The following RIF1 variants were observed in gnomAD, a reference collection of about 807,000 sequenced individuals.
RIF1 encodes telomere-associated protein RIF1.
RIF1 carries 45 observed loss-of-function variants against 247.1 expected under a neutral mutation model. The ratio of observed to expected loss-of-function variants is 0.18; its 90% confidence interval spans 0.14 to 0.23. The LOEUF (loss-of-function observed/expected upper bound fraction) is 0.23. Ranked by LOEUF, RIF1 falls within the 10% of genes least tolerant of loss-of-function variation. The pLI is 1.00. For synonymous variants in RIF1, 1,087 were observed against 978.8 expected (o/e 1.11, Z -2.06); for missense variants, 2,967 against 2,862.5 (o/e 1.04, Z -0.83).
chr2:151,504,889 T>C lies in RIF1; in HGVS notation c.*862-1321T>C, dbSNP rs115187177. 1.8e-3 allele frequency among the ~76,000 whole-genome samples: 272 copies of C among 152,144 alleles called. 2 individuals carry two copies. The highest frequency in any genetic ancestry group is 6.3e-3 in the African/African-American group (261 of 41,498). On this transcript the variant is annotated intron_variant and NMD_transcript_variant, in intron 12 of 13. Transcript: ENST00000454583. Reference sequence around the variant, plus strand: ...GACAGAACAGGCTTAATGTATAATATACCATTGTAGGTAGATCGCAGCCTG... The same window carrying C: ...GACAGAACAGGCTTAATGTATAATACACCATTGTAGGTAGATCGCAGCCTG...
At chr2:151,411,106 A>G (rs1686116452) in intron 2 of RIF1, among the ~76,000 whole-genome samples, 154 bp from the exon 3 acceptor site, 1 of 152,120 alleles carries the variant, frequency 6.6e-6, no homozygotes, top group Non-Finnish European at 1.5e-5. Context: ...ATATTGCATT[A>G]TATATTCTGT....
chr2:151,440,109 T>C lies in RIF1; in HGVS notation c.1629T>C (p.Phe543=). The change falls in exon 15 of 36, where the codon TTT becomes TTC. Residue 543 remains phenylalanine (F), a synonymous_variant. Transcript: ENST00000444746. ...SLESIVKSEV[F]PVSKTLVLME... ...AAAGCATAGTAAAGTCTGAAGTATT[T>C]CCTGTATCAAAAACGCTGGTAAGTA... is the stretch of plus-strand genomic sequence containing the variant. 2 of 1,579,432 alleles carry C rather than the reference T, an allele frequency of 1.3e-6. No individual in the cohort carries two copies. Among genetic ancestry groups the C allele is most frequent in the Non-Finnish European group, 1.7e-6 (2 of 1,156,296 alleles).
At chr2:151,505,065 CAT>C (rs377576558) in intron 12 of RIF1, among the ~76,000 whole-genome samples, 192 of 152,238 alleles carry the variant, frequency 1.3e-3, no homozygotes, top group Non-Finnish European at 1.8e-3. Flanking sequence ...TACACACACA[CAT>C]GTTTTATATA....
rs759984778 is a variant in RIF1, at chr2:151,463,745, C to T, written c.4225C>T (p.Pro1409Ser). The T allele has an allele frequency of 1.2e-6, 2 of 1,613,810 alleles. No homozygotes were observed. The highest frequency in any genetic ancestry group is 1.6e-4 in the Middle Eastern group (1 of 6,084). ...TGAGGATAGTCAGGTTCAGATAACT[C>T]CAAATCAGAAAACCCTTAGACGGTC... Reference protein sequence around the residue: ...VNEDSQVQITPNQKTLRRSSR... With the variant: ...VNEDSQVQITSNQKTLRRSSR... The change falls in exon 30 of 36, where the codon CCA becomes TCA. Residue 1409 changes from proline (P) to serine (S), a missense_variant. Pro to Ser is a moderately conservative substitution (Grantham distance 74). This residue lies in a region of RIF1 where 2,028 missense variants were observed against 1,825.6 expected (regional missense o/e 1.11). Transcript: ENST00000444746.
intron 21 of RIF1, among the ~76,000 whole-genome samples, chr2:151,454,473 C>T (rs1299620624): frequency 1.2e-4 from 18 of 151,908 alleles, no homozygotes; most frequent in Admixed American, 1.0e-3. Flanking sequence ...AAAAATGGTC[C>T]GTCATTCTTA....
intron 18 of RIF1, among the ~76,000 whole-genome samples, chr2:151,444,080 A>T (rs536539215): frequency 2.0e-5 from 3 of 152,236 alleles, no homozygotes; most frequent in African/African-American, 2.4e-5. Flanking sequence ...CCTCAAAGCC[A>T]TATAGCATTT....
chr2:151,511,119 C>T (rs150630968), downstream of RIF1, among the ~76,000 whole-genome samples: 1 of 152,196 alleles, frequency 6.6e-6, no homozygotes, highest in African/African-American at 2.4e-5. Flanking sequence ...CTGAAGCTTT[C>T]GTTAAAGATC....
chr2:151,463,003 C>T lies in RIF1; in HGVS notation c.3483C>T (p.Thr1161=), dbSNP rs1224920020. The part of the protein sequence containing the change: ...SNNECGSLDK[T]SPEMSNSNND... ...ATGAGTGTGGTTCTCTTGACAAAACCAGTCCAGAAATGTCAAACAGTAATA... is the reference window on the plus strand; with the variant it reads ...ATGAGTGTGGTTCTCTTGACAAAACTAGTCCAGAAATGTCAAACAGTAATA... Residue 1161 remains threonine, a synonymous_variant, in exon 30 of 36, where the codon ACC becomes ACT. Coordinates refer to ENST00000444746, the MANE Select transcript of RIF1 (RefSeq NM_018151.5). 1.3e-5 allele frequency: 21 copies of T among 1,613,400 alleles called. No individual in the cohort carries two copies. Among genetic ancestry groups the T allele is most frequent in the Admixed American group, 3.3e-5 (2 of 59,974 alleles).
chr2:151,460,581 C>T (rs530784887), intron 26 of RIF1, among the ~76,000 whole-genome samples: 1 of 152,270 alleles, frequency 6.6e-6, no homozygotes, highest in East Asian at 1.9e-4. Flanking sequence ...GACAACAGTT[C>T]TCTCTTCCAT....
intron 3 of RIF1, among the ~76,000 whole-genome samples, 158 bp downstream of exon 3, chr2:151,411,496 G>C (rs772428196): frequency 1.3e-5 from 2 of 151,848 alleles, no homozygotes; most frequent in East Asian, 3.9e-4. Context: ...TCCGCCTCTC[G>C]GGTTCAAGCG....
At chr2:151,531,433 C>T in the RIF1 span, among the ~76,000 whole-genome samples, 3 of 150,652 alleles carry the variant, frequency 2.0e-5, no homozygotes, top group Admixed American at 2.0e-4. Flanking sequence ...TGTCACGCCT[C>T]AGCCTCCTGA....
chr2:151,485,918 T>C, downstream of RIF1: 1 of 1,613,878 alleles, frequency 6.2e-7, no homozygotes, highest in Non-Finnish European at 8.5e-7. Flanking sequence ...TAGTCATACA[T>C]GGCACGGAAG....
intron 9 of RIF1, chr2:151,490,590 G>T: frequency 6.6e-7 from 1 of 1,517,840 alleles, no homozygotes; most frequent in African/African-American, 1.4e-5. Flanking sequence ...AACAGTGATT[G>T]AATCTCAGTT....
rs1039209215 is a variant in RIF1, at chr2:151,464,470, T to C, written c.4950T>C (p.Cys1650=). ...LQVPDDLPNV[C]EEKNETSKYA... is the part of the protein sequence containing the mutation. ...TTCCTGATGATTTACCAAATGTGTGTGAGGAAAAAAATGAAACTAGCAAAT... is the reference window on the plus strand; with the variant it reads ...TTCCTGATGATTTACCAAATGTGTGCGAGGAAAAAAATGAAACTAGCAAAT... Residue 1650 remains cysteine, a synonymous_variant, in exon 30 of 36, where the codon TGT becomes TGC. Transcript: ENST00000444746. 1.6e-5 allele frequency: 26 copies of C among 1,613,110 alleles called. No individual in the cohort carries two copies. The highest frequency in any genetic ancestry group is 1.8e-5 in the Non-Finnish European group (21 of 1,179,794).
At chr2:151,428,686 C>T (rs1242987577) in intron 8 of RIF1, 98 bp from the exon 9 acceptor site, 1 of 921,626 alleles carries the variant, frequency 1.1e-6, no homozygotes, top group Admixed American at 2.0e-5. Context: ...ATTATGAAGT[C>T]CTAAGAGCAT....
At chr2:151,527,775 A>T in the RIF1 span, among the ~76,000 whole-genome samples, 1 of 152,178 alleles carries the variant, frequency 6.6e-6, no homozygotes, top group African/African-American at 2.4e-5. Flanking sequence ...ATCTGTTGGG[A>T]CCCTGTGGTC....
In RIF1 at chr2:151,492,500, G is replaced by T. The variant is rs2057361729; in HGVS notation, c.*416-2729G>T. 5 of 1,597,450 alleles carry T rather than the reference G, an allele frequency of 3.1e-6. No individual in the cohort carries two copies. Among genetic ancestry groups the T allele is most frequent in the Middle Eastern group, 3.4e-4 (2 of 5,950 alleles). ...AAACTATCAGAATAAAGAACCTGAT[G>T]CAGGAGAGACCGTGAATGAGTGGTG... On this transcript the variant is annotated intron_variant and NMD_transcript_variant, in intron 9 of 13. Transcript: ENST00000454583.
intron 9 of RIF1, among the ~76,000 whole-genome samples, chr2:151,431,547 A>T (rs2152303569): frequency 6.6e-6 from 1 of 152,310 alleles, no homozygotes; most frequent in Non-Finnish European, 1.5e-5. Flanking sequence ...TAATCCCAGC[A>T]CTTTGAGAGG....
rs1340972965 is a variant in RIF1 at position 151,440,103 on chromosome 2, A to G, written c.1623A>G (p.Glu541=). 3 of 1,587,168 alleles carry G rather than the reference A, an allele frequency of 1.9e-6. No individual in the cohort carries two copies. The highest frequency in any genetic ancestry group is 1.7e-6 in the Non-Finnish European group (2 of 1,162,380). ...LKSLESIVKS[E]VFPVSKTLVL... is the part of the protein sequence containing the mutation. ...CTTTGGAAAGCATAGTAAAGTCTGA[A>G]GTATTTCCTGTATCAAAAACGCTGG... is the stretch of plus-strand genomic sequence containing the variant. Residue 541 remains glutamate, a synonymous_variant, in exon 15 of 36, where the codon GAA becomes GAG. Transcript: ENST00000444746.
Sources: allele counts gnomAD v4.1 joint callset (sites outside exome capture counted in the v4.1 genomes callset), GRCh38; gene constraint gnomAD v4.1.1; regional missense constraint gnomAD v4.1.1; transcripts MANE v1.5; gene names NCBI Gene and HGNC (gene_info 2026-07-23, HGNC 2026-07-21).